Variants in TMC7 observed in about 807,000 individuals in gnomAD.
The protein encoded by TMC7 is transmembrane channel like 7, also known as transmembrane channel-like protein 7.
TMC7 carries 54 observed loss-of-function variants against 82.9 expected under a neutral mutation model. The observed-to-expected ratio is 0.65, with a 90% CI of 0.52 to 0.82. The LOEUF (loss-of-function observed/expected upper bound fraction) is 0.82. TMC7 is among the 40% of genes least tolerant of loss of function. TMC7 has a pLI of 0.00. For synonymous variants in TMC7, 350 were observed against 337.9 expected (o/e 1.04, Z -0.39); for missense variants, 820 against 901.2 (o/e 0.91, Z 1.15).
rs567521987 is a variant in TMC7, at chr16:18,987,190, C to G, written c.67+3060C>G. Among the ~76,000 whole-genome samples, 707 of 152,330 alleles carry G rather than the reference C, an allele frequency of 4.6e-3. 22 individuals are homozygous for G. Among genetic ancestry groups the G allele is most frequent in the Admixed American group, 0.037 (561 of 15,288 alleles). ...GACCTCTGGGGCGGTCTATCTGAGG[C>G]AATGCACCCATCTCACTTCCTCTGA... On this transcript the variant is annotated intron_variant, in intron 1 of 15. Coordinates refer to ENST00000304381, the MANE Select transcript of TMC7 (RefSeq NM_024847.4).
At chr16:19,054,991 A>G (rs1961706602) in intron 13 of TMC7, among the ~76,000 whole-genome samples, 1 of 152,070 alleles carries the variant, frequency 6.6e-6, no homozygotes, top group African/African-American at 2.4e-5. Context: ...CAAGTGATCC[A>G]TCTGCCTCGG....
chr16:19,011,103 A>T (rs1377842093), intron 2 of TMC7, among the ~76,000 whole-genome samples: 2 of 152,202 alleles, frequency 1.3e-5, no homozygotes, highest in African/African-American at 4.8e-5. Flanking sequence ...GAGTGGGTTA[A>T]GAGCCAAGTC....
chr16:19,053,954 A>G (rs1961655842), intron 13 of TMC7, among the ~76,000 whole-genome samples: 1 of 150,836 alleles, frequency 6.6e-6, no homozygotes, highest in Non-Finnish European at 1.5e-5. Flanking sequence ...AAGCACTGGG[A>G]TTACAGGCGT....
intron 5 of TMC7, among the ~76,000 whole-genome samples, chr16:19,025,757 CT>C (rs1157353637): frequency 0.024 from 3,465 of 146,222 alleles, 114 homozygotes; most frequent in African/African-American, 0.077. Context: ...GCCCCCCACC[CT>C]TTTTTTTTTT....
chr16:19,039,092 C>CTTTTTTTTT (rs376747652), intron 8 of TMC7, among the ~76,000 whole-genome samples: 2 of 130,456 alleles, frequency 1.5e-5, no homozygotes, highest in Non-Finnish European at 1.6e-5. Flanking sequence ...TTTCTTTTTT[C>CTTTTTTTTT]TTTTTTTTTT....
chr16:19,006,705 C>CG (rs1478530780), intron 1 of TMC7, among the ~76,000 whole-genome samples: 3 of 152,186 alleles, frequency 2.0e-5, no homozygotes, highest in Non-Finnish European at 2.9e-5. Context: ...ATGCAGGGCA[C>CG]GGGGGAGCCC....
At chr16:19,049,685 T>A (rs2142297134) in intron 12 of TMC7, 1 of 985,002 alleles carries the variant, frequency 1.0e-6, no homozygotes, top group South Asian at 4.7e-5. Context: ...TGGGTCATGG[T>A]GGGTACCTGG....
rs200907534 is a variant in TMC7, at chr16:18,996,800, A to T, written c.68-12372A>T. Among the ~76,000 whole-genome samples the T allele has an allele frequency of 3.8e-4, 58 of 152,332 alleles. 1 individual carries two copies. The East Asian group carries it at 0.011, about 29-fold the overall frequency. On this transcript the variant is annotated intron_variant, in intron 1 of 15. Coordinates refer to ENST00000304381, the MANE Select transcript of TMC7 (RefSeq NM_024847.4). Reference sequence around the variant, plus strand: ...CTTGCCACCAAGGGAATGTGGGTGAATGACCAAGGCAGGCATCCCTGCGGT... The same window carrying T: ...CTTGCCACCAAGGGAATGTGGGTGATTGACCAAGGCAGGCATCCCTGCGGT...
chr16:19,060,999 C>CTTTTTTTTT (rs34398653), intron 15 of TMC7, among the ~76,000 whole-genome samples: 1 of 129,116 alleles, frequency 7.7e-6, no homozygotes. Flanking sequence ...GATGGCCAGT[C>CTTTTTTTTT]TTTTTTTTTT....
At chr16:19,040,021 CAGG>C (rs1209312154) in intron 8 of TMC7, among the ~76,000 whole-genome samples, 1 of 142,906 alleles carries the variant, frequency 7.0e-6, no homozygotes, top group Non-Finnish European at 1.5e-5. Flanking sequence ...GAGGCTGAGG[CAGG>C]AGAATCGCAT....
chr16:19,049,190 A>C (rs1418906414), intron 12 of TMC7, among the ~76,000 whole-genome samples: 1 of 151,966 alleles, frequency 6.6e-6, no homozygotes, highest in Non-Finnish European at 1.5e-5. Context: ...TGCCAAGCTA[A>C]TTTTTGTATT....
rs899305056 is a variant in TMC7, at chr16:19,025,995, C to T, written c.711+2800C>T. ...TTTGCCATGTTGCCTAGGCTGGTCT[C>T]GAGCTCCTGAGCTCAAGCAATCCAC... On this transcript the variant is annotated intron_variant, in intron 5 of 15. Transcript: ENST00000304381. 3.3e-5 allele frequency among the ~76,000 whole-genome samples: 5 copies of T among 151,870 alleles called. No individual in the cohort carries two copies. In the South Asian group the frequency reaches 1.0e-3, roughly 32 times the overall value.
At chr16:19,042,273 C>T (rs1961047740) in intron 9 of TMC7, among the ~76,000 whole-genome samples, 1 of 152,010 alleles carries the variant, frequency 6.6e-6, no homozygotes, top group African/African-American at 2.4e-5. Context: ...CACCTGGGCC[C>T]AAGTGACCCT....
chr16:18,987,631 A>G (rs1306363877), intron 1 of TMC7, among the ~76,000 whole-genome samples: 1 of 152,136 alleles, frequency 6.6e-6, no homozygotes, highest in East Asian at 1.9e-4. Flanking sequence ...TAGAATGTGG[A>G]TGCCTTGGAA....
chr16:19,048,569 G>A (rs1203653104), intron 12 of TMC7, among the ~76,000 whole-genome samples: 1 of 152,082 alleles, frequency 6.6e-6, no homozygotes, highest in Non-Finnish European at 1.5e-5. Context: ...TTACAGGCAT[G>A]TGCCACCACG....
chr16:19,016,547 G>T lies in TMC7; in HGVS notation c.409G>T (p.Glu137Ter), dbSNP rs964827846. The change falls in exon 3 of 16, where the codon GAG becomes TAG. Residue 137 changes from glutamate to a stop codon, truncating the protein, a stop_gained. Transcript: ENST00000304381. LOFTEE classifies it high-confidence loss of function. The part of the protein sequence containing the change: ...SWKRFLEKAR[E>*]MTTHLELWRE... ...GAAGAGGTTCCTAGAGAAGGCTCGA[G>T]AGATGACGACCCACCTGGAGCTGTG... 4.3e-6 allele frequency: 7 copies of T among 1,614,026 alleles called. No homozygotes were observed. The highest frequency in any genetic ancestry group is 4.0e-5 in the African/African-American group (3 of 74,934).
rs962456144 is a variant in TMC7, at chr16:19,063,763, A to C, written c.*1920A>C. 2.0e-5 allele frequency: 3 copies of C among 151,920 alleles called. No individual in the cohort carries two copies. The highest frequency in any genetic ancestry group is 2.9e-5 in the Non-Finnish European group (2 of 68,016). 9.4% of individuals were successfully genotyped at this position (151,920 alleles called of 1,614,324 possible). ...ATAAAAGTGATACTGAAATATGCTA[A>C]TTAATATATTAATTTTAGTTAAATG... On this transcript the variant is annotated 3_prime_UTR_variant, in exon 16 of 16. Coordinates refer to ENST00000304381, the MANE Select transcript of TMC7 (RefSeq NM_024847.4).
At position 19,062,132 on chromosome 16, in the gene TMC7, C is replaced by T. The variant is rs1044618969; in HGVS notation, c.*289C>T. 79 of 337,812 alleles carry T rather than the reference C, an allele frequency of 2.3e-4. No individual in the cohort carries two copies. Among genetic ancestry groups the T allele is most frequent in the Non-Finnish European group, 2.1e-4 (39 of 187,122 alleles). The allele number at this position is 337,812 out of a possible 1,614,324, so 20.9% of individuals were successfully genotyped here. A position where few individuals can be genotyped will look rare whatever the true frequency, so the allele number is the denominator to read the frequency against. ...TCAAGCTTTTACAAGAATGAAAGAG[C>T]GGAGACGGTAGTTTAGTATTTGAGC... On this transcript the variant is annotated 3_prime_UTR_variant, in exon 16 of 16. Transcript: ENST00000304381.
At chr16:19,024,825 T>C (rs944548480) in intron 5 of TMC7, among the ~76,000 whole-genome samples, 4 of 151,866 alleles carry the variant, frequency 2.6e-5, no homozygotes, top group Admixed American at 1.3e-4. Context: ...GCTAACACGG[T>C]AAAACCCCAT....
Sources: allele counts gnomAD v4.1 joint callset (sites outside exome capture counted in the v4.1 genomes callset), GRCh38; gene constraint gnomAD v4.1.1; transcripts MANE v1.5; gene names NCBI Gene and HGNC (gene_info 2026-07-23, HGNC 2026-07-21).